TDRD10: variants seen among roughly 807,000 people sequenced by gnomAD.
TDRD10 encodes tudor domain containing 10, also known as tudor domain-containing protein 10.
Under a neutral mutation model 48.0 loss-of-function variants are expected in TDRD10, and 40 were observed. The ratio of observed to expected loss-of-function variants is 0.83; its 90% CI spans 0.65 to 1.09. TDRD10 has a LOEUF of 1.09. Ranked by LOEUF, TDRD10 falls within the 50% of genes least tolerant of loss-of-function variation. The probability of loss-of-function intolerance (pLI) is 0.00; values close to 1 mark genes in which losing one functional copy is unlikely to be tolerated. For missense variants in TDRD10, 378 were observed against 434.7 expected (o/e 0.87, Z 1.16); for synonymous variants, 162 against 170.4 (o/e 0.95, Z 0.38).
intron 6 of TDRD10, among the ~76,000 whole-genome samples, chr1:154,523,065 G>A (rs1487544759): frequency 6.6e-6 from 1 of 152,046 alleles, no homozygotes; most frequent in Admixed American, 6.6e-5. Context: ...CACCATGCCT[G>A]GCTAATTTTT....
At chr1:154,529,184 A>G (rs550539710) in intron 6 of TDRD10, among the ~76,000 whole-genome samples, 3 of 152,150 alleles carry the variant, frequency 2.0e-5, no homozygotes, top group South Asian at 4.2e-4. Context: ...GGTTCAAGCA[A>G]TTCTCCTGCC....
chr1:154,520,746 T>C (rs1694014199), intron 5 of TDRD10, among the ~76,000 whole-genome samples: 1 of 152,170 alleles, frequency 6.6e-6, no homozygotes, highest in East Asian at 1.9e-4. Context: ...CTTTGAACGT[T>C]TGTTTGTTTG....
At chr1:154,531,437 G>T (rs894044641) in intron 6 of TDRD10, among the ~76,000 whole-genome samples, 1 of 152,180 alleles carries the variant, frequency 6.6e-6, no homozygotes, top group African/African-American at 2.4e-5. Flanking sequence ...TGTGTTCAGA[G>T]TTTCTTACTT....
In TDRD10 at chr1:154,506,816, GTGGT is replaced by G; in HGVS notation, c.-27-59_-27-56del. On this transcript the variant is annotated intron_variant, in intron 1 of 12. Transcript: ENST00000368482. ...TTCTGCTTACCACAGTACCTATTCG[GTGGT>G]TATATGATGGTGAACTATCCTGGCA... 3 of 1,443,144 alleles carry G rather than the reference GTGGT, an allele frequency of 2.1e-6. No individual in the cohort carries two copies. The East Asian group carries it at 6.8e-5, about 33-fold the overall frequency. 89.4% of individuals were successfully genotyped at this position (1,443,144 alleles called of 1,614,324 possible).
intron 4 of TDRD10, among the ~76,000 whole-genome samples, chr1:154,511,168 G>A (rs1693449397): frequency 2.0e-5 from 3 of 151,360 alleles, no homozygotes; most frequent in African/African-American, 4.9e-5. Context: ...GCAGTGATGC[G>A]ATCTCAGCTC....
intron 4 of TDRD10, among the ~76,000 whole-genome samples, chr1:154,512,527 A>G (rs1301727616): frequency 6.6e-6 from 1 of 152,066 alleles, no homozygotes; most frequent in Non-Finnish European, 1.5e-5. Context: ...TATTTTTGGT[A>G]GAGATGGGGT....
intron 6 of TDRD10, among the ~76,000 whole-genome samples, chr1:154,526,877 C>A (rs1694347126): frequency 1.4e-5 from 2 of 147,314 alleles, no homozygotes; most frequent in African/African-American, 2.5e-5. Context: ...GCGTGAGCCA[C>A]CGCACCTGGC....
chr1:154,504,633 C>T (rs1693042596), intron 1 of TDRD10, among the ~76,000 whole-genome samples: 2 of 152,184 alleles, frequency 1.3e-5, no homozygotes, highest in African/African-American at 4.8e-5. Flanking sequence ...GCCAAAGTTG[C>T]AGAGCATCTT....
rs769070961 is a variant in TDRD10, at chr1:154,544,375, C to G, written c.655C>G (p.Leu219Val). ...CGTTGCGTTTTGCACCCCACAGGCT[C>G]TGCACCAGAACATGCAGGCTCTGTT... ...FFWAMHVTEA[L>V]HQNMQALFST... Residue 219 changes from leucine (L) to valine (V), a missense_variant, in exon 10 of 13, where the codon CTG (leucine) becomes GTG (valine). By Grantham distance (32) the Leu-to-Val change is conservative. Coordinates refer to ENST00000368482, the MANE Select transcript of TDRD10 (RefSeq NM_182499.4). 6.3e-7 allele frequency: 1 copy of G among 1,582,630 alleles called. No homozygotes were observed.
chr1:154,522,574 G>A (rs1404631518), intron 6 of TDRD10, among the ~76,000 whole-genome samples: 5 of 152,228 alleles, frequency 3.3e-5, no homozygotes, highest in South Asian at 4.2e-4. Flanking sequence ...GGGAGACCGA[G>A]GCAGGAGGAT....
intron 1 of TDRD10, among the ~76,000 whole-genome samples, chr1:154,505,280 A>G (rs1459391736): frequency 6.6e-6 from 1 of 152,218 alleles, no homozygotes; most frequent in Non-Finnish European, 1.5e-5. Flanking sequence ...TTAGCATAGT[A>G]CCTGGCAGGC....
intron 6 of TDRD10, among the ~76,000 whole-genome samples, chr1:154,531,873 C>T (rs1475460752): frequency 6.6e-6 from 1 of 152,168 alleles, no homozygotes; most frequent in Non-Finnish European, 1.5e-5. Context: ...AAGTTCTCCA[C>T]CTCACCACTA....
chr1:154,535,342 G>GA (rs1271464745), intron 6 of TDRD10, among the ~76,000 whole-genome samples: 1 of 151,388 alleles, frequency 6.6e-6, no homozygotes, highest in Non-Finnish European at 1.5e-5. Flanking sequence ...ACTCCAGCCT[G>GA]GGCATCAGAG....
intron 2 of TDRD10, 24 bp downstream of exon 2, chr1:154,506,929 G>T: frequency 6.2e-7 from 1 of 1,614,164 alleles, no homozygotes; most frequent in South Asian, 1.1e-5. Context: ...TTTTGCTGAT[G>T]AGCAAGCCTC....
chr1:154,509,663 A>G, intron 4 of TDRD10: 1 of 227,258 alleles, frequency 4.4e-6, no homozygotes, highest in Non-Finnish European at 7.3e-6. Flanking sequence ...ACAGAAGAAA[A>G]TGTTATTGGA....
intron 6 of TDRD10, among the ~76,000 whole-genome samples, chr1:154,529,561 T>C (rs201298470): frequency 9.5e-6 from 1 of 105,574 alleles, no homozygotes; most frequent in East Asian, 3.1e-4. Context: ...TTTTTTTTTT[T>C]TGAGACGGAG....
chr1:154,513,523 G>A (rs1163237992), intron 4 of TDRD10, among the ~76,000 whole-genome samples: 1 of 152,156 alleles, frequency 6.6e-6, no homozygotes, highest in Non-Finnish European at 1.5e-5. Flanking sequence ...AATTCATTAG[G>A]TAAAGTATTG....
chr1:154,521,249 C>T (rs1205590881), intron 5 of TDRD10, 74 bp from the exon 6 acceptor site: 1 of 1,507,356 alleles, frequency 6.6e-7, no homozygotes, highest in Non-Finnish European at 9.1e-7. Context: ...CCAGCTTGGG[C>T]TTGGTGCCTC....
In TDRD10 at chr1:154,544,015, C is replaced by A. The variant is rs201320017; in HGVS notation, c.556C>A (p.Leu186Met). The stretch of plus-strand genomic sequence containing the variant: ...GGAATGCTTCCGAGACCTGAGCTGG[C>A]TGGCACTCATCCATAGCGTCCGTGG... Reference protein sequence around the residue: ...LRECFRDLSWLALIHSVRGEA... With the variant: ...LRECFRDLSWMALIHSVRGEA... The change falls in exon 9 of 13, where the codon CTG becomes ATG. Residue 186 changes from leucine to methionine, a missense_variant. Leu to Met is a conservative substitution (Grantham distance 15). Coordinates refer to ENST00000368482, the MANE Select transcript of TDRD10 (RefSeq NM_182499.4). 2.1e-5 allele frequency: 34 copies of A among 1,614,242 alleles called. No individual in the cohort carries two copies. Among genetic ancestry groups the A allele is most frequent in the Non-Finnish European group, 1.9e-5 (23 of 1,180,044 alleles).
Sources: gnomAD v4.1 joint callset for allele counts (sites outside exome capture counted in the v4.1 genomes callset) on GRCh38, gnomAD v4.1.1 for gene constraint, MANE v1.5 for transcripts, NCBI Gene and HGNC (gene_info 2026-07-23, HGNC 2026-07-21) for gene names.